Variants in FAM228B observed in about 807,000 individuals in gnomAD.
FAM228B encodes the protein family with sequence similarity 228 member B.
In FAM228B, 38 loss-of-function variants were observed where a neutral mutation model predicts 42.6. That is an observed-to-expected ratio of 0.89 (90% CI 0.69 to 1.17). The LOEUF is 1.17. FAM228B is among the 50% of genes most tolerant of loss of function. The probability of loss-of-function intolerance (pLI) is 0.00; values close to 1 mark genes in which losing one functional copy is unlikely to be tolerated. For missense variants in FAM228B, 344 were observed against 367.3 expected (o/e 0.94, Z 0.52); for synonymous variants, 109 against 122.3 (o/e 0.89, Z 0.72).
chr2:24,160,600 TC>T (rs202091886), intron 7 of FAM228B, among the ~76,000 whole-genome samples: 3 of 152,170 alleles, frequency 2.0e-5, no homozygotes, highest in Non-Finnish European at 2.9e-5. Context: ...TTTCCTTTTT[TC>T]CCCCCAATAT....
chr2:24,137,910 A>C lies in FAM228B; in HGVS notation c.170A>C (p.Glu57Ala), dbSNP rs1295027103. 2 of 1,516,128 alleles carry C rather than the reference A, an allele frequency of 1.3e-6. No homozygotes were observed. Among genetic ancestry groups the C allele is most frequent in the Non-Finnish European group, 8.8e-7 (1 of 1,135,872 alleles). The allele number at this position is 1,516,128 out of a possible 1,614,324, so 93.9% of individuals were successfully genotyped here. A position where few individuals can be genotyped will look rare whatever the true frequency, so the allele number is the denominator to read the frequency against. Residue 57 changes from glutamate (E) to alanine (A), a missense_variant and splice_region_variant, in exon 4 of 11, where the codon GAA becomes GCA. Physicochemically the swap from Glu to Ala is moderately radical, Grantham distance 107. Coordinates refer to ENST00000615575, the MANE Select transcript of FAM228B (RefSeq NM_001145710.2). The part of the protein sequence containing the change: ...ILYKENSVIK[E>A]LDKYLQHHAF... Reference sequence around the variant, plus strand: ...GTCTTTTCTACCACTGTTTACTAGGAACTAGATAAGTATTTACAACATCAT... The same window carrying C: ...GTCTTTTCTACCACTGTTTACTAGGCACTAGATAAGTATTTACAACATCAT...
upstream of FAM228B, among the ~76,000 whole-genome samples, chr2:24,120,129 C>T (rs1367902171): frequency 6.6e-6 from 1 of 151,952 alleles, no homozygotes; most frequent in Non-Finnish European, 1.5e-5. Context: ...ATTAGCCAGG[C>T]GTGGTGGCAG....
intron 5 of FAM228B, among the ~76,000 whole-genome samples, chr2:24,139,858 GTGTA>G (rs1315855465): frequency 2.0e-5 from 3 of 151,990 alleles, no homozygotes; most frequent in African/African-American, 7.2e-5. Flanking sequence ...TTCTATATGT[GTGTA>G]TGTATTCACA....
rs1664826628 is a variant in FAM228B at position 24,077,835 on chromosome 2, CT to C, written c.-290+868del. ...TGCCCTCCTCATCCTCCTCAGCCTT[CT>C]TGCTCTCTCTGAAGCCACGTATCTG... On this transcript the variant is annotated intron_variant, in intron 1 of 10. Transcript: ENST00000613899. This position sits in a 1 kb window ranked among gnomAD's most constrained non-coding sequence, Gnocchi z 5.5. 6.6e-7 allele frequency: 1 copy of C among 1,511,268 alleles called. No individual in the cohort carries two copies. The highest frequency in any genetic ancestry group is 1.4e-5 in the African/African-American group (1 of 71,928). 93.6% of individuals were successfully genotyped at this position (1,511,268 alleles called of 1,614,324 possible).
At chr2:24,131,341 G>GTA (rs1257905029) in intron 2 of FAM228B, among the ~76,000 whole-genome samples, 2 of 152,162 alleles carry the variant, frequency 1.3e-5, no homozygotes, top group African/African-American at 4.8e-5. Flanking sequence ...AAAATTTGAA[G>GTA]TAGTTTTCTC....
At chr2:24,101,012 G>C (rs2150995920) in intron 3 of FAM228B, among the ~76,000 whole-genome samples, 1 of 152,270 alleles carries the variant, frequency 6.6e-6, no homozygotes, top group East Asian at 1.9e-4. Context: ...TTATCACAAG[G>C]ACAGAAAACC....
chr2:24,083,096 T>G, intron 2 of FAM228B: 1 of 1,614,120 alleles, frequency 6.2e-7, no homozygotes, highest in Non-Finnish European at 8.5e-7. Context: ...CATGTCCAGA[T>G]GCCTCAAGTC....
chr2:24,134,564 A>G (rs931172463), intron 2 of FAM228B, among the ~76,000 whole-genome samples: 1 of 152,256 alleles, frequency 6.6e-6, no homozygotes, highest in African/African-American at 2.4e-5. Context: ...TGACTCTGGA[A>G]AAGACATTTG....
chr2:24,118,509 G>C (rs1665994159), upstream of FAM228B, among the ~76,000 whole-genome samples: 1 of 152,158 alleles, frequency 6.6e-6, no homozygotes, highest in African/African-American at 2.4e-5. Flanking sequence ...TGGAGAAAAA[G>C]AAGGATTAAG....
At chr2:24,157,904 C>T (rs899989053) in intron 7 of FAM228B, among the ~76,000 whole-genome samples, 5 of 152,144 alleles carry the variant, frequency 3.3e-5, no homozygotes, top group African/African-American at 1.2e-4. Flanking sequence ...GATTCAGAAA[C>T]TGAACTAAGG....
chr2:24,089,374 ATAAAT>A (rs1204657165), intron 2 of FAM228B, among the ~76,000 whole-genome samples: 1 of 152,228 alleles, frequency 6.6e-6, no homozygotes, highest in Non-Finnish European at 1.5e-5. Flanking sequence ...TAAAACAAAA[ATAAAT>A]TAAATTATGT....
At chr2:24,140,568 TC>T (rs1666718953) in intron 5 of FAM228B, among the ~76,000 whole-genome samples, 3 of 152,238 alleles carry the variant, frequency 2.0e-5, no homozygotes, top group Non-Finnish European at 4.4e-5. Flanking sequence ...ACCAGTTTTT[TC>T]TAAGTAAGAA....
At chr2:24,089,518 C>T (rs1665340275) in intron 2 of FAM228B, among the ~76,000 whole-genome samples, 1 of 152,050 alleles carries the variant, frequency 6.6e-6, no homozygotes, top group East Asian at 1.9e-4. Flanking sequence ...TTGGCCCTGT[C>T]TCTTACTTTG....
chr2:24,079,163 C>G (rs1447717362), intron 1 of FAM228B: 3 of 364,668 alleles, frequency 8.2e-6, no homozygotes, highest in Non-Finnish European at 1.5e-5. Flanking sequence ...TGGAACTACT[C>G]GAAATACTTC....
intron 7 of FAM228B, among the ~76,000 whole-genome samples, chr2:24,152,217 T>C (rs1410471343): frequency 1.3e-5 from 2 of 152,264 alleles, no homozygotes; most frequent in Non-Finnish European, 2.9e-5. Context: ...TCTGATAGAA[T>C]TCTGAATTCC....
At chr2:24,096,244 C>G (rs1665495277) in intron 3 of FAM228B, 1 of 152,192 alleles carries the variant, frequency 6.6e-6, no homozygotes, top group African/African-American at 2.4e-5. Flanking sequence ...GATCGCAACT[C>G]CTCGCCAGCA....
chr2:24,149,306 T>C (rs189973847), intron 7 of FAM228B, among the ~76,000 whole-genome samples: 50 of 152,338 alleles, frequency 3.3e-4, no homozygotes, highest in African/African-American at 1.1e-3. Flanking sequence ...TCCAAACTGT[T>C]CTCCATAGTA....
intron 5 of FAM228B, chr2:24,142,560 C>G (rs1666778324): frequency 6.6e-6 from 1 of 152,144 alleles, no homozygotes; most frequent in South Asian, 2.1e-4. Context: ...TGGATGATTG[C>G]TTGAATTGTG....
chr2:24,160,646 T>C (rs1193781471), intron 7 of FAM228B, among the ~76,000 whole-genome samples: 1 of 152,246 alleles, frequency 6.6e-6, no homozygotes, highest in Non-Finnish European at 1.5e-5. Flanking sequence ...TATTGCTTTC[T>C]TATCTTGGTG....
Sources: allele counts gnomAD v4.1 joint callset (sites outside exome capture counted in the v4.1 genomes callset), GRCh38; gene constraint gnomAD v4.1.1; non-coding constraint Gnocchi (gnomAD v3.1); transcripts MANE v1.5; gene names NCBI Gene and HGNC (gene_info 2026-07-23, HGNC 2026-07-21).